The following NYAP2 variants were observed in gnomAD, a reference collection of about 807,000 sequenced individuals.
NYAP2 encodes neuronal tyrosine-phosphorylated phosphoinositide-3-kinase adapter 2.
In NYAP2, 23 loss-of-function variants were observed where a neutral mutation model predicts 50.4. The ratio of observed to expected loss-of-function variants is 0.46; its 90% CI spans 0.33 to 0.65. The LOEUF (loss-of-function observed/expected upper bound fraction) is 0.65, where lower values mean the gene tolerates loss of function less well. NYAP2 is among the 30% of genes least tolerant of loss of function. The probability of loss-of-function intolerance (pLI) is 0.02; values close to 1 mark genes in which losing one functional copy is unlikely to be tolerated. For missense variants in NYAP2, 885 were observed against 861.0 expected, an observed-to-expected ratio of 1.03 and a Z score of -0.35; for synonymous variants, 394 against 365.2, an observed-to-expected ratio of 1.08 and a Z score of -0.90.
chr2:225,630,489 C>T (rs557092074), intron 6 of NYAP2, among the ~76,000 whole-genome samples: 2 of 152,296 alleles, frequency 1.3e-5, no homozygotes, highest in African/African-American at 4.8e-5. Context: ...TTGGTCAGAA[C>T]TGGCAAACAT....
downstream of NYAP2, among the ~76,000 whole-genome samples, chr2:225,657,268 C>T (rs1159404943): frequency 1.3e-5 from 2 of 152,052 alleles, no homozygotes; most frequent in Admixed American, 1.3e-4. Context: ...TGCCACCACA[C>T]CAGGCTAAAT....
intron 5 of NYAP2, among the ~76,000 whole-genome samples, chr2:225,618,241 C>G (rs1693024068): frequency 6.6e-6 from 1 of 152,180 alleles, no homozygotes; most frequent in Non-Finnish European, 1.5e-5. Context: ...CCACATGTCA[C>G]CTTGATCCAA....
chr2:225,525,840 G>T (rs1574658773), intron 4 of NYAP2, among the ~76,000 whole-genome samples: 1 of 152,094 alleles, frequency 6.6e-6, no homozygotes, highest in South Asian at 2.1e-4. Context: ...ATTCTAAGAC[G>T]GTATTCAAGA....
At chr2:225,580,960 A>G (rs931278342) in intron 4 of NYAP2, among the ~76,000 whole-genome samples, 3 of 152,198 alleles carry the variant, frequency 2.0e-5, no homozygotes, top group Admixed American at 1.3e-4. Context: ...TATCAACACA[A>G]TGAGATAATG....
At chr2:225,597,848 GTTTAACC>G (rs1462807555) in intron 5 of NYAP2, among the ~76,000 whole-genome samples, 1 of 151,870 alleles carries the variant, frequency 6.6e-6, no homozygotes, top group Non-Finnish European at 1.5e-5. Context: ...AAGGGTGATT[GTTTAACC>G]TTTAGATACA....
chr2:225,511,367 CACACACAG>C lies in NYAP2; in HGVS notation c.222-2002_222-1995del, dbSNP rs773619111. On this transcript the variant is annotated intron_variant, in intron 3 of 6. Coordinates refer to ENST00000636099, the Ensembl canonical transcript of NYAP2. The stretch of plus-strand genomic sequence containing the variant: ...ACACACACACACACACACACACACA[CACACACAG>C]AGAGAGAGAGAGAGAGAGGATAAAA... Among the ~76,000 whole-genome samples the C allele has an allele frequency of 8.6e-3, 1,175 of 136,892 alleles. 10 individuals carry two copies. Among genetic ancestry groups the C allele is most frequent in the African/African-American group, 0.023 (816 of 34,736 alleles). The allele number at this position is 136,892 out of a possible 152,430, so 89.8% of individuals were successfully genotyped here. A position where few individuals can be genotyped will look rare whatever the true frequency, so the allele number is the denominator to read the frequency against.
intron 3 of NYAP2, among the ~76,000 whole-genome samples, chr2:225,469,148 A>C (rs1689971938): frequency 6.6e-6 from 1 of 152,230 alleles, no homozygotes; most frequent in Non-Finnish European, 1.5e-5. Context: ...CAGAATCTAC[A>C]AAAAACTTAA....
At chr2:225,552,619 C>G (rs535214007) in intron 4 of NYAP2, among the ~76,000 whole-genome samples, 2 of 152,158 alleles carry the variant, frequency 1.3e-5, no homozygotes, top group Non-Finnish European at 2.9e-5. Flanking sequence ...GAGACCCTGA[C>G]CAGAACTGAC....
At chr2:225,454,405 G>A (rs1056220723) in intron 3 of NYAP2, among the ~76,000 whole-genome samples, 1 of 152,106 alleles carries the variant, frequency 6.6e-6, no homozygotes, top group Non-Finnish European at 1.5e-5. Context: ...AATCTCAATA[G>A]AATTTTTTAA....
rs371676415 is a variant in NYAP2 at position 225,516,538 on chromosome 2, CT to C, written c.523+2876del. On this transcript the variant is annotated intron_variant, in intron 4 of 6. Transcript: ENST00000636099. The stretch of plus-strand genomic sequence containing the variant: ...ATTCTTCATGGGAATTTTACTTTCC[CT>C]TTTTTTTTTCTCTTCAGAACACTTA... 6.2e-3 allele frequency among the ~76,000 whole-genome samples: 918 copies of C among 148,918 alleles called. 13 individuals are homozygous for C. The highest frequency in any genetic ancestry group is 0.019 in the African/African-American group (772 of 40,708).
intron 4 of NYAP2, among the ~76,000 whole-genome samples, chr2:225,546,527 G>A (rs1017338420): frequency 6.6e-6 from 1 of 151,904 alleles, no homozygotes; most frequent in African/African-American, 2.4e-5. Context: ...AAGGACCCAG[G>A]TCTCTTCAGT....
intron 6 of NYAP2, among the ~76,000 whole-genome samples, chr2:225,647,450 G>A (rs926339211): frequency 5.9e-5 from 9 of 152,146 alleles, no homozygotes; most frequent in Non-Finnish European, 7.3e-5. Flanking sequence ...GTGGGCAGAC[G>A]TTAAACACCC....
intron 5 of NYAP2, among the ~76,000 whole-genome samples, chr2:225,602,601 T>C (rs1692710843): frequency 6.6e-6 from 1 of 152,182 alleles, no homozygotes; most frequent in Non-Finnish European, 1.5e-5. Context: ...GTTTTAGGTT[T>C]TACATTTAGG....
chr2:225,426,390 C>T (rs1011670867), intron 3 of NYAP2, among the ~76,000 whole-genome samples: 3 of 152,124 alleles, frequency 2.0e-5, no homozygotes, highest in East Asian at 1.9e-4. Flanking sequence ...AGAGAATCCA[C>T]GGTAAGTGCT....
At chr2:225,631,435 TGAA>T (rs1313745209) in intron 6 of NYAP2, among the ~76,000 whole-genome samples, 3 of 152,160 alleles carry the variant, frequency 2.0e-5, no homozygotes, top group Non-Finnish European at 4.4e-5. Flanking sequence ...TCTTAGATTA[TGAA>T]GGAGGTAGGC....
intron 2 of NYAP2, among the ~76,000 whole-genome samples, chr2:225,408,520 C>T (rs562845260): frequency 6.6e-6 from 1 of 152,080 alleles, no homozygotes; most frequent in Admixed American, 6.6e-5. Context: ...ATCTTATATA[C>T]CTTCTTTGTG....
At chr2:225,469,688 G>T (rs10181093) in intron 3 of NYAP2, among the ~76,000 whole-genome samples, 3 of 152,046 alleles carry the variant, frequency 2.0e-5, no homozygotes, top group South Asian at 2.1e-4. Flanking sequence ...GGATGAGTTC[G>T]TGTCCTTTGC....
In NYAP2 at chr2:225,582,178, G is replaced by A. The variant is rs922334658; in HGVS notation, c.761G>A (p.Arg254Lys). The stretch of plus-strand genomic sequence containing the variant: ...ATCGAGATGGTGGGGAACATTCTCA[G>A]AGACTTCAGGAAGGAGGACGATGAC... Residue 254 changes from arginine to lysine, a missense_variant, in exon 5 of 7, where the codon AGA becomes AAA. Transcript: ENST00000636099. The surrounding 1 kb of genome is among the most constrained non-coding windows in gnomAD (Gnocchi z 7.0). 18 of 1,614,048 alleles carry A rather than the reference G, an allele frequency of 1.1e-5. No individual in the cohort carries two copies. Among genetic ancestry groups the A allele is most frequent in the Non-Finnish European group, 1.4e-5 (17 of 1,179,898 alleles).
chr2:225,658,737 A>G (rs540097187), downstream of NYAP2, among the ~76,000 whole-genome samples: 2 of 152,236 alleles, frequency 1.3e-5, no homozygotes, highest in Non-Finnish European at 2.9e-5. Context: ...GGTGGAAAAT[A>G]AAATTTATTA....
Sources: gnomAD v4.1 joint callset for allele counts (sites outside exome capture counted in the v4.1 genomes callset) on GRCh38, gnomAD v4.1.1 for gene constraint, Gnocchi (gnomAD v3.1) non-coding constraint, MANE v1.5 for transcripts, NCBI Gene and HGNC (gene_info 2026-07-23, HGNC 2026-07-21) for gene names.